Variants in XRCC3 observed in about 807,000 individuals in gnomAD.
XRCC3 encodes the protein DNA repair protein XRCC3.
In XRCC3, 34 loss-of-function variants were observed where a neutral mutation model predicts 29.2. The observed-to-expected ratio is 1.16, with a 90% CI of 0.88 to 1.55. The LOEUF (loss-of-function observed/expected upper bound fraction) is 1.55, where lower values mean the gene tolerates loss of function less well. XRCC3 is among the 40% of genes most tolerant of loss of function. The pLI is 0.00. For synonymous variants in XRCC3, 223 were observed against 211.3 expected (o/e 1.06, Z -0.48); for missense variants, 463 against 467.6 (o/e 0.99, Z 0.09).
Position 103,698,460 on chromosome 14 carries a change from G to A in XRCC3, c.*338C>T. ...AACCCCAGTTGGGCTTCCATGTGGA[G>A]AGAAGAAGCAGGCGGCTCCCAGGGA... is the stretch of plus-strand genomic sequence containing the variant. On this transcript the variant is annotated 3_prime_UTR_variant, in exon 10 of 10. Transcript: ENST00000555055. The A allele has an allele frequency of 2.7e-6, 1 of 373,990 alleles. No individual in the cohort carries two copies. The highest frequency in any genetic ancestry group is 2.4e-5 in the South Asian group (1 of 42,296). 23.2% of individuals were successfully genotyped at this position (373,990 alleles called of 1,614,324 possible).
intron 7 of XRCC3, chr14:103,700,542 G>A (rs1243425157): frequency 5.9e-6 from 5 of 841,060 alleles, no homozygotes; most frequent in Non-Finnish European, 9.4e-6. Context: ...CCCCTAGGCT[G>A]TCCCTCAAGT....
Position 103,707,526 on chromosome 14 carries a change from C to G in XRCC3, c.194-311G>C, listed in dbSNP as rs3212052. 7.2e-3 allele frequency: 3,470 copies of G among 482,110 alleles called. 95 individuals are homozygous for G. The highest frequency in any genetic ancestry group is 0.06 in the African/African-American group (3,061 of 51,204). 29.9% of individuals were successfully genotyped at this position (482,110 alleles called of 1,614,324 possible). On this transcript the variant is annotated intron_variant, in intron 5 of 9. Coordinates refer to ENST00000555055, the MANE Select transcript of XRCC3 (RefSeq NM_005432.4). ...CTTCCAGAGAGCCCCGAGGCGCTCCCTAACAGCCTCCATGTGAAGAAAAAG... is the reference window on the plus strand; with the variant it reads ...CTTCCAGAGAGCCCCGAGGCGCTCCGTAACAGCCTCCATGTGAAGAAAAAG...
chr14:103,708,960 G>A (rs2083535272), intron 4 of XRCC3: 1 of 405,710 alleles, frequency 2.5e-6, no homozygotes, highest in Non-Finnish European at 4.7e-6. Context: ...CCGGTGCTGA[G>A]AGCAGGTTCC....
rs1289569592 is a variant in XRCC3 at position 103,703,346 on chromosome 14, TGATGTGCCCAGGGGA to T, written c.407-34_407-20del. 6.5e-7 allele frequency: 1 copy of T among 1,542,542 alleles called. No homozygotes were observed. Among genetic ancestry groups the T allele is most frequent in the Non-Finnish European group, 8.7e-7 (1 of 1,148,104 alleles). ...ACGGCTCCTGGGAAGCAAGAGTGCC[TGATGTGCCCAGGGGA>T]CTCCAGACGGGCCTGTGACTGCCAC... On this transcript the variant is annotated intron_variant, in intron 6 of 9. Transcript: ENST00000555055.
At chr14:103,709,107 G>C (rs1184797117) in intron 4 of XRCC3, 11 of 329,120 alleles carry the variant, frequency 3.3e-5, no homozygotes, top group Non-Finnish European at 5.9e-6. Flanking sequence ...CCGCGGGAGA[G>C]GACATGTGCC....
At position 103,701,219 on chromosome 14, in the gene XRCC3, G is replaced by A. The variant is rs375083845; in HGVS notation, c.562-1643C>T. 290 of 1,550,368 alleles carry A rather than the reference G, an allele frequency of 1.9e-4. 1 individual carries two copies. The South Asian group carries it at 2.0e-3, about 10-fold the overall frequency. The stretch of plus-strand genomic sequence containing the variant: ...CTTGCAGTGACCCCGACCTGGCCCC[G>A]CTCCAGGATGGGACTGCCGAGTGTG... On this transcript the variant is annotated intron_variant, in intron 7 of 9. Transcript: ENST00000555055.
intron 5 of XRCC3, chr14:103,707,492 C>T: frequency 1.8e-6 from 1 of 541,140 alleles, no homozygotes; most frequent in African/African-American, 1.9e-5. Context: ...CAGACGCCTT[C>T]AGCCAAAGCT....
At chr14:103,712,480 G>T (rs537378181) in intron 2 of XRCC3, 1 of 152,570 alleles carries the variant, frequency 6.6e-6, no homozygotes, top group South Asian at 2.1e-4. Context: ...CACTGCCAAA[G>T]GAGATGCGGC....
Position 103,698,855 on chromosome 14 carries a change from A to G in XRCC3, c.984T>C (p.Cys328=). ...LSAPHLPPSS[C]SYTISAEGVR... Reference sequence around the variant, plus strand: ...CCCCTTCGGCACTGATCGTGTAGGAACAGGAGGAGGGGGGCAGGTGGGGGG... The same window carrying G: ...CCCCTTCGGCACTGATCGTGTAGGAGCAGGAGGAGGGGGGCAGGTGGGGGG... The change falls in exon 10 of 10, where the codon TGT becomes TGC. Residue 328 remains cysteine (C), a synonymous_variant. Transcript: ENST00000555055. The G allele has an allele frequency of 2.5e-6, 4 of 1,607,666 alleles. No individual in the cohort carries two copies. Among genetic ancestry groups the G allele is most frequent in the Non-Finnish European group, 3.4e-6 (4 of 1,177,682 alleles).
chr14:103,701,482 C>T, intron 7 of XRCC3: 1 of 426,742 alleles, frequency 2.3e-6, no homozygotes, highest in Non-Finnish European at 4.2e-6. Context: ...GTAACTTCCT[C>T]ACGTTGTGTG....
Position 103,699,586 on chromosome 14 carries a change from C to CAGCTGTCATTGTCTATGCTGGTCAGCA in XRCC3, c.562-37_562-11dup, listed in dbSNP as rs750260694. The CAGCTGTCATTGTCTATGCTGGTCAGCA allele has an allele frequency of 1.3e-4, 206 of 1,613,278 alleles. No homozygotes were observed. Among genetic ancestry groups the CAGCTGTCATTGTCTATGCTGGTCAGCA allele is most frequent in the Admixed American group, 3.5e-4 (21 of 60,016 alleles). On this transcript the variant is annotated splice_polypyrimidine_tract_variant and intron_variant, in intron 7 of 9. Transcript: ENST00000555055. ...ACTCCAACAAGGTGTCCTGTGGGGA[C>CAGCTGTCATTGTCTATGCTGGTCAGCA]AGCTGTCATTGTCTATGCTGGTCAG...
At chr14:103,699,065 G>T in intron 9 of XRCC3, 48 bp from the exon 10 acceptor site, 2 of 1,561,464 alleles carry the variant, frequency 1.3e-6, no homozygotes, top group Non-Finnish European at 1.7e-6. Flanking sequence ...TGGTGGCCCC[G>T]CCCACTTCGG....
intron 1 of XRCC3, among the ~76,000 whole-genome samples, chr14:103,714,781 G>A (rs1033319600): frequency 6.6e-6 from 1 of 152,176 alleles, no homozygotes; most frequent in Non-Finnish European, 1.5e-5. Flanking sequence ...CCGGGTCCTG[G>A]TTCAAACAAT....
chr14:103,699,124 T>G lies in XRCC3; in HGVS notation c.821+9A>C. 1 of 1,573,292 alleles carries G rather than the reference T, an allele frequency of 6.4e-7. No homozygotes were observed. Among genetic ancestry groups the G allele is most frequent in the Non-Finnish European group, 8.6e-7 (1 of 1,160,096 alleles). On this transcript the variant is annotated intron_variant, in intron 9 of 9. Coordinates refer to ENST00000555055, the MANE Select transcript of XRCC3 (RefSeq NM_005432.4). ...CACAGAGGTGCACACACCACATGGC[T>G]GCACTCACCCCAGCGGCCCGTGTGC...
intron 7 of XRCC3, chr14:103,702,903 C>A (rs566673628): frequency 2.8e-4 from 139 of 504,388 alleles, no homozygotes; most frequent in Non-Finnish European, 4.6e-4. Context: ...CCCCAGAGGC[C>A]GTCTGATCCC....
intron 4 of XRCC3, chr14:103,709,033 G>A: frequency 2.8e-6 from 1 of 353,982 alleles, no homozygotes; most frequent in Non-Finnish European, 5.5e-6. Context: ...CTCCAGAAGG[G>A]GGCAGGAAAA....
chr14:103,699,361 C>T lies in XRCC3; in HGVS notation c.774+3G>A, dbSNP rs1387468805. On this transcript the variant is annotated splice_donor_region_variant and intron_variant, in intron 8 of 9. Transcript: ENST00000555055. ...AGGGGTGCAACCCTGCCTTGGTGCT[C>T]ACCTGGTTGATGCACAGCACAGGGC... 4.4e-6 allele frequency: 7 copies of T among 1,601,292 alleles called. No homozygotes were observed. Among genetic ancestry groups the T allele is most frequent in the Non-Finnish European group, 5.1e-6 (6 of 1,174,922 alleles).
At position 103,703,598 on chromosome 14, in the gene XRCC3, T is replaced by C. The variant is rs559937797; in HGVS notation, c.407-271A>G. The C allele has an allele frequency of 4.3e-5, 21 of 490,148 alleles. No individual in the cohort carries two copies. The East Asian group carries it at 8.2e-4, about 19-fold the overall frequency. The allele number at this position is 490,148 out of a possible 1,614,324, so 30.4% of individuals were successfully genotyped here. A position where few individuals can be genotyped will look rare whatever the true frequency, so the allele number is the denominator to read the frequency against. ...ACTTCCCCTGTCCTGGGCCCTGGGC[T>C]GGAATGGCCACAGATGGGAGGCCTC... On this transcript the variant is annotated intron_variant, in intron 6 of 9. Coordinates refer to ENST00000555055, the MANE Select transcript of XRCC3 (RefSeq NM_005432.4).
intron 4 of XRCC3, chr14:103,710,811 T>C (rs771264327): frequency 1.4e-5 from 8 of 575,212 alleles, no homozygotes; most frequent in Non-Finnish European, 2.2e-5. Flanking sequence ...TGTATTACTT[T>C]GATAAAAATA....
Sources: gnomAD v4.1 joint callset for allele counts (sites outside exome capture counted in the v4.1 genomes callset) on GRCh38, gnomAD v4.1.1 for gene constraint, MANE v1.5 for transcripts, NCBI Gene and HGNC (gene_info 2026-07-23, HGNC 2026-07-21) for gene names.